The following SHB variants were observed in gnomAD, a reference collection of about 807,000 sequenced individuals.
The protein encoded by SHB is SH2 domain containing adaptor protein B, also known as SH2 domain-containing adapter protein B.
Under a neutral mutation model 52.3 loss-of-function variants are expected in SHB, and 20 were observed. The ratio of observed to expected loss-of-function variants is 0.38; its 90% CI spans 0.27 to 0.56. SHB has a LOEUF of 0.56. Among genes scored for constraint, SHB ranks in the 20% least tolerant of loss-of-function variants. The probability of loss-of-function intolerance (pLI) is 0.71; values close to 1 mark genes in which losing one functional copy is unlikely to be tolerated. For missense variants in SHB, 825 were observed against 723.3 expected (o/e 1.14, Z -1.61); for synonymous variants, 397 against 316.5 (o/e 1.25, Z -2.70).
chr9:38,042,944 C>T (rs1047221512), intron 1 of SHB, among the ~76,000 whole-genome samples: 5 of 152,262 alleles, frequency 3.3e-5, no homozygotes, highest in Middle Eastern at 3.4e-3. Context: ...CAAACTCCCC[C>T]GGTCTGCCAG....
intron 2 of SHB, among the ~76,000 whole-genome samples, chr9:38,013,352 T>C (rs557762508): frequency 6.6e-6 from 1 of 152,348 alleles, no homozygotes; most frequent in Admixed American, 6.5e-5. Context: ...GGCTCATGCC[T>C]GCAATCCTAG....
chr9:38,036,174 C>T (rs970972844), intron 1 of SHB, among the ~76,000 whole-genome samples: 6 of 152,116 alleles, frequency 3.9e-5, no homozygotes, highest in African/African-American at 1.4e-4. Flanking sequence ...GCCCTGCTGC[C>T]CCATAAGGTG....
chr9:37,956,092 T>G (rs1397666776), intron 3 of SHB, 38 bp from the exon 4 acceptor site: 1 of 1,544,824 alleles, frequency 6.5e-7, no homozygotes, highest in Non-Finnish European at 8.8e-7. Context: ...TTAGCAGAGC[T>G]CAGCCCAGGG....
At chr9:37,986,954 C>T (rs1421401479) in intron 2 of SHB, among the ~76,000 whole-genome samples, 9 of 152,226 alleles carry the variant, frequency 5.9e-5, no homozygotes, top group Non-Finnish European at 8.8e-5. Context: ...GGGCACGGTG[C>T]GGTCTCTGCC....
intron 2 of SHB, among the ~76,000 whole-genome samples, chr9:38,003,460 C>A (rs1009619339): frequency 1.1e-4 from 17 of 152,094 alleles, no homozygotes; most frequent in South Asian, 2.1e-4. Flanking sequence ...CTCCCCGTCC[C>A]ACGAGGGCAG....
At chr9:38,009,363 C>A (rs1425679578) in intron 2 of SHB, among the ~76,000 whole-genome samples, 1 of 152,228 alleles carries the variant, frequency 6.6e-6, no homozygotes, top group Admixed American at 6.5e-5. Context: ...GCTGGAGAAG[C>A]CCAGTGTGAC....
intron 1 of SHB, among the ~76,000 whole-genome samples, chr9:38,034,637 C>T (rs892516799): frequency 6.6e-5 from 10 of 152,260 alleles, no homozygotes; most frequent in Admixed American, 3.9e-4. Flanking sequence ...TGACCACTGT[C>T]TTGCATGCCC....
rs1164204750 is a variant in SHB at position 37,919,132 on chromosome 9, T to C, written c.*689A>G. 2 of 152,692 alleles carry C rather than the reference T, an allele frequency of 1.3e-5. No homozygotes were observed. The highest frequency in any genetic ancestry group is 3.9e-4 in the East Asian group (2 of 5,194). 9.5% of individuals were successfully genotyped at this position (152,692 alleles called of 1,614,324 possible). On this transcript the variant is annotated 3_prime_UTR_variant, in exon 6 of 6. Coordinates refer to ENST00000377707, the MANE Select transcript of SHB (RefSeq NM_003028.3). Reference sequence around the variant, plus strand: ...AGTATATCAAAAAAGGATAAGGCTATATATTAAATGACTATTTTATTTACA... The same window carrying C: ...AGTATATCAAAAAAGGATAAGGCTACATATTAAATGACTATTTTATTTACA...
chr9:38,005,820 G>T (rs1002900690), intron 2 of SHB, among the ~76,000 whole-genome samples: 1 of 152,058 alleles, frequency 6.6e-6, no homozygotes, highest in Non-Finnish European at 1.5e-5. Context: ...AACTGTGGCC[G>T]GCTGTCTCCT....
chr9:38,019,105 C>G (rs1467567849), intron 1 of SHB, among the ~76,000 whole-genome samples: 1 of 152,188 alleles, frequency 6.6e-6, no homozygotes, highest in Non-Finnish European at 1.5e-5. Flanking sequence ...AGAGACCTGG[C>G]AGCCACAGAG....
At chr9:37,943,623 AG>A (rs1420764062) in intron 5 of SHB, among the ~76,000 whole-genome samples, 1 of 152,148 alleles carries the variant, frequency 6.6e-6, no homozygotes, top group Non-Finnish European at 1.5e-5. Flanking sequence ...ACCTCAACCA[AG>A]CAGGGGCTGG....
chr9:38,049,347 G>A (rs1308496559), intron 1 of SHB, among the ~76,000 whole-genome samples: 1 of 152,144 alleles, frequency 6.6e-6, no homozygotes, highest in African/African-American at 2.4e-5. Context: ...GGTGGCTCAT[G>A]CCTGTAATCC....
Position 38,067,934 on chromosome 9 carries a change from C to G in SHB, c.712G>C (p.Asp238His). Residue 238 changes from aspartate to histidine, a missense_variant, in exon 1 of 6, where the codon GAC (aspartate) becomes CAC (histidine). Coordinates refer to ENST00000377707, the MANE Select transcript of SHB (RefSeq NM_003028.3). ...AAEESGAGKK[D>H]KVTIADDYSD... ...GAGGCCAAGGGGCACCTTACCTTGT[C>G]CTTCTTGCCGGCCCCGCTCTCCTCC... 1 of 1,531,682 alleles carries G rather than the reference C, an allele frequency of 6.5e-7. No homozygotes were observed. The highest frequency in any genetic ancestry group is 1.2e-5 in the South Asian group (1 of 82,514). The allele number at this position is 1,531,682 out of a possible 1,614,324, so 94.9% of individuals were successfully genotyped here. A position where few individuals can be genotyped will look rare whatever the true frequency, so the allele number is the denominator to read the frequency against.
At chr9:38,048,278 A>G (rs1821685098) in intron 1 of SHB, among the ~76,000 whole-genome samples, 1 of 152,140 alleles carries the variant, frequency 6.6e-6, no homozygotes, top group Non-Finnish European at 1.5e-5. Context: ...TTTTCTACAT[A>G]TGTCGGTGGG....
At chr9:37,986,723 G>T (rs929639820) in intron 2 of SHB, among the ~76,000 whole-genome samples, 1 of 152,202 alleles carries the variant, frequency 6.6e-6, no homozygotes, top group Non-Finnish European at 1.5e-5. Context: ...TGATGAGCAG[G>T]GGCTGGGCTA....
intron 2 of SHB, among the ~76,000 whole-genome samples, chr9:37,981,189 T>C (rs953827056): frequency 1.3e-5 from 2 of 152,240 alleles, no homozygotes; most frequent in Admixed American, 6.5e-5. Context: ...CTTCTTCCAA[T>C]AGAAGGCTGC....
At chr9:37,950,085 C>T (rs1442201034) in intron 4 of SHB, among the ~76,000 whole-genome samples, 1 of 152,136 alleles carries the variant, frequency 6.6e-6, no homozygotes, top group Middle Eastern at 3.2e-3. Flanking sequence ...ACTACAGGTG[C>T]GTGCCACCAT....
At chr9:37,949,728 C>T (rs1832542731) in intron 4 of SHB, among the ~76,000 whole-genome samples, 1 of 152,208 alleles carries the variant, frequency 6.6e-6, no homozygotes, top group African/African-American at 2.4e-5. Flanking sequence ...GGGATGTGTG[C>T]AGACATGGAT....
chr9:38,020,422 G>C (rs1821267276), intron 1 of SHB, among the ~76,000 whole-genome samples: 1 of 152,220 alleles, frequency 6.6e-6, no homozygotes, highest in African/African-American at 2.4e-5. Context: ...TTCCCCACCA[G>C]TCTAGAGACA....
Sources: allele counts gnomAD v4.1 joint callset (sites outside exome capture counted in the v4.1 genomes callset), GRCh38; gene constraint gnomAD v4.1.1; transcripts MANE v1.5; gene names NCBI Gene and HGNC (gene_info 2026-07-23, HGNC 2026-07-21).